Variants in CHST10 observed in about 807,000 individuals in gnomAD.
CHST10 encodes the protein carbohydrate sulfotransferase 10.
CHST10 carries 24 observed loss-of-function variants against 34.7 expected under a neutral mutation model. That is an observed-to-expected ratio of 0.69 (90% CI 0.50 to 0.97). The LOEUF (loss-of-function observed/expected upper bound fraction) is 0.97. CHST10 is among the 50% of genes least tolerant of loss of function. The pLI is 0.00. For missense variants in CHST10, 402 were observed against 452.1 expected, an observed-to-expected ratio of 0.89 and a Z score of 1.00; for synonymous variants, 161 against 169.3, an observed-to-expected ratio of 0.95 and a Z score of 0.38.
At chr2:100,409,880 C>CT (rs1675750483) in intron 2 of CHST10, among the ~76,000 whole-genome samples, 1 of 152,170 alleles carries the variant, frequency 6.6e-6, no homozygotes, top group African/African-American at 2.4e-5. Context: ...CAGAGAGTCC[C>CT]TTCCCTGGCC....
chr2:100,410,563 C>G (rs1675789407), intron 2 of CHST10, among the ~76,000 whole-genome samples: 1 of 152,176 alleles, frequency 6.6e-6, no homozygotes, highest in African/African-American at 2.4e-5. Flanking sequence ...CAGGAGGCAG[C>G]CTGCCCAACC....
At chr2:100,393,981 G>A (rs547329240) in intron 6 of CHST10, among the ~76,000 whole-genome samples, 199 bp from the exon 7 acceptor site, 125 of 152,238 alleles carry the variant, frequency 8.2e-4, no homozygotes, top group African/African-American at 2.9e-3. Flanking sequence ...ACACTTTGCA[G>A]GTGAGAAAAC....
Position 100,409,275 on chromosome 2 carries a change from G to A in CHST10, c.-32-2568C>T, listed in dbSNP as rs140058625. Reference sequence around the variant, plus strand: ...TTCTGAAGGAATGTAATATGATTTCGCCCACTGAGCTCATCTGCAGGTAAA... The same window carrying A: ...TTCTGAAGGAATGTAATATGATTTCACCCACTGAGCTCATCTGCAGGTAAA... On this transcript the variant is annotated intron_variant, in intron 2 of 6. Coordinates refer to ENST00000264249, the MANE Select transcript of CHST10 (RefSeq NM_004854.5). Among the ~76,000 whole-genome samples the A allele has an allele frequency of 1.2e-3, 184 of 152,176 alleles. 1 individual carries two copies. Among genetic ancestry groups the A allele is most frequent in the African/African-American group, 4.3e-3 (179 of 41,496 alleles).
At chr2:100,407,122 T>C (rs922863659) in intron 2 of CHST10, among the ~76,000 whole-genome samples, 2 of 152,176 alleles carry the variant, frequency 1.3e-5, no homozygotes, top group African/African-American at 4.8e-5. Flanking sequence ...TCATTCATAG[T>C]GGGCAGAAGC....
Position 100,395,624 on chromosome 2 carries a change from AAACGG to A in CHST10, c.428-15_428-11del. 1.3e-5 allele frequency: 21 copies of A among 1,612,186 alleles called. No individual in the cohort carries two copies. The highest frequency in any genetic ancestry group is 1.8e-5 in the Non-Finnish European group (21 of 1,178,310). ...ATGGAAGAAAATGCTCCTGGGAAGT[AAACGG>A]AAAGGAAGGCAGGTTGGCTGCTCCA... On this transcript the variant is annotated splice_polypyrimidine_tract_variant and intron_variant, in intron 5 of 6. Transcript: ENST00000264249.
At chr2:100,415,478 G>A (rs747883997) in intron 1 of CHST10, among the ~76,000 whole-genome samples, 20 of 152,030 alleles carry the variant, frequency 1.3e-4, no homozygotes, top group African/African-American at 2.2e-4. Context: ...CTGGATTTTC[G>A]TACTCCTTAC....
intron 5 of CHST10, among the ~76,000 whole-genome samples, chr2:100,396,016 A>G (rs1284129140): frequency 6.6e-6 from 1 of 152,202 alleles, no homozygotes; most frequent in Non-Finnish European, 1.5e-5. Context: ...AATGCCAGAG[A>G]AGCAGGACTT....
chr2:100,392,080 C>A lies in CHST10; in HGVS notation c.*1165G>T, dbSNP rs1373904954. On this transcript the variant is annotated 3_prime_UTR_variant, in exon 7 of 7. Coordinates refer to ENST00000264249, the MANE Select transcript of CHST10 (RefSeq NM_004854.5). ...TATCTGAAATGGTCGCTGCGGCTTG[C>A]CCTGCACCAGGGCCTACCTTGTTGC... 6.6e-6 allele frequency: 1 copy of A among 152,662 alleles called. No individual in the cohort carries two copies. Among genetic ancestry groups the A allele is most frequent in the African/African-American group, 2.4e-5 (1 of 41,430 alleles). 9.5% of individuals were successfully genotyped at this position (152,662 alleles called of 1,614,324 possible). A position where few individuals can be genotyped will look rare whatever the true frequency, so the allele number is the denominator to read the frequency against.
At chr2:100,407,491 C>A (rs573604885) in intron 2 of CHST10, among the ~76,000 whole-genome samples, 2 of 152,350 alleles carry the variant, frequency 1.3e-5, no homozygotes, top group East Asian at 3.9e-4. Flanking sequence ...CACGTACAGA[C>A]AAGACCCTGG....
intron 6 of CHST10, among the ~76,000 whole-genome samples, chr2:100,394,049 G>A (rs185650303): frequency 5.9e-5 from 9 of 152,318 alleles, no homozygotes; most frequent in Admixed American, 2.0e-4. Flanking sequence ...GGCAGTCACT[G>A]TGAAGACATC....
At chr2:100,393,807 T>A in intron 6 of CHST10, 25 bp from the exon 7 acceptor site, 1 of 1,586,112 alleles carries the variant, frequency 6.3e-7, no homozygotes, top group East Asian at 2.2e-5. Context: ...GAACAAGAGG[T>A]TAACTTGATG....
intron 3 of CHST10, among the ~76,000 whole-genome samples, chr2:100,404,557 G>C (rs1675486905): frequency 6.6e-6 from 1 of 152,114 alleles, no homozygotes; most frequent in Non-Finnish European, 1.5e-5. Flanking sequence ...GCCTACACTT[G>C]CTTTTTTTCT....
chr2:100,402,272 T>C (rs575777318), intron 4 of CHST10, among the ~76,000 whole-genome samples: 1 of 152,150 alleles, frequency 6.6e-6, no homozygotes, highest in Non-Finnish European at 1.5e-5. Context: ...CCCTGCCCAA[T>C]ACTCTCGGCT....
chr2:100,411,582 T>C (rs145556687), intron 2 of CHST10, among the ~76,000 whole-genome samples: 1 of 152,214 alleles, frequency 6.6e-6, no homozygotes, highest in Non-Finnish European at 1.5e-5. Flanking sequence ...GGTGTGTATG[T>C]GCATACAAGT....
chr2:100,413,171 A>C (rs1307789613), intron 2 of CHST10, among the ~76,000 whole-genome samples: 2 of 152,222 alleles, frequency 1.3e-5, no homozygotes, highest in Non-Finnish European at 2.9e-5. Context: ...GCTAGGGGAC[A>C]AATGGCCTTT....
Position 100,393,434 on chromosome 2 carries a change from T to C in CHST10, c.882A>G (p.Leu294=), listed in dbSNP as rs778655889. The part of the protein sequence containing the change: ...ETLEDDAPYI[L]KEAGIDHLVS... ...CCAGGTGGTCAATGCCAGCCTCTTT[T>C]AAGATGTATGGGGCATCGTCCTCCA... Residue 294 remains leucine (L), a synonymous_variant, in exon 7 of 7, where the codon TTA becomes TTG. Transcript: ENST00000264249. The C allele has an allele frequency of 1.5e-5, 24 of 1,614,018 alleles. 1 individual carries two copies. The South Asian group carries it at 2.2e-4, about 15-fold the overall frequency.
chr2:100,394,654 C>T (rs1674966648), intron 6 of CHST10, among the ~76,000 whole-genome samples: 1 of 152,150 alleles, frequency 6.6e-6, no homozygotes, highest in African/African-American at 2.4e-5. Context: ...TCCTTTTCAG[C>T]CTTGCTCTCC....
rs977322841 is a variant in CHST10 at position 100,417,604 on chromosome 2, G to A, written c.-334C>T. The A allele has an allele frequency of 9.3e-5, 14 of 151,314 alleles. No homozygotes were observed. The highest frequency in any genetic ancestry group is 2.9e-4 in the African/African-American group (12 of 41,334). The allele number at this position is 151,314 out of a possible 1,614,324, so 9.4% of individuals were successfully genotyped here. ...CGCCCGGCGCGCTAGACCGGCTTTGGGGGCCAGAACGCCGGCACCGCCTCA... is the reference window on the plus strand; with the variant it reads ...CGCCCGGCGCGCTAGACCGGCTTTGAGGGCCAGAACGCCGGCACCGCCTCA... On this transcript the variant is annotated 5_prime_UTR_variant, in exon 1 of 7. Coordinates refer to ENST00000264249, the MANE Select transcript of CHST10 (RefSeq NM_004854.5).
chr2:100,398,274 T>C (rs2104327035), intron 4 of CHST10, 132 bp from the exon 5 acceptor site: 1 of 654,244 alleles, frequency 1.5e-6, no homozygotes, highest in Non-Finnish European at 2.6e-6. Flanking sequence ...TCCTTGTCTG[T>C]CTACAGAGTG....
Sources: allele counts gnomAD v4.1 joint callset (sites outside exome capture counted in the v4.1 genomes callset), GRCh38; gene constraint gnomAD v4.1.1; transcripts MANE v1.5; gene names NCBI Gene and HGNC (gene_info 2026-07-23, HGNC 2026-07-21).